KCNH7: variants seen among roughly 807,000 people sequenced by gnomAD.
KCNH7 encodes the protein voltage-gated inwardly rectifying potassium channel KCNH7.
A neutral mutation model predicts 120.8 loss-of-function variants in KCNH7; 49 were observed. The observed-to-expected ratio is 0.41, with a 90% CI of 0.32 to 0.51. KCNH7 has a LOEUF of 0.51. Among genes scored for constraint, KCNH7 ranks in the 20% least tolerant of loss-of-function variants. KCNH7 has a pLI of 0.38. For synonymous variants in KCNH7, 547 were observed against 516.1 expected, an observed-to-expected ratio of 1.06 and a Z score of -0.81; for missense variants, 1,097 against 1,446.6, an observed-to-expected ratio of 0.76 and a Z score of 3.92.
intron 2 of KCNH7, among the ~76,000 whole-genome samples, chr2:162,608,509 T>G (rs1030823716): frequency 6.6e-6 from 1 of 152,202 alleles, no homozygotes; most frequent in Non-Finnish European, 1.5e-5. Context: ...GATCACTTTG[T>G]GGAGTTATCA....
chr2:162,715,977 T>TGTGTGTGC lies in KCNH7; in HGVS notation c.307+120559_307+120560insGCACACAC, dbSNP rs374889170. Among the ~76,000 whole-genome samples, 147 of 151,374 alleles carry TGTGTGTGC rather than the reference T, an allele frequency of 9.7e-4. 1 individual carries two copies. Among genetic ancestry groups the TGTGTGTGC allele is most frequent in the African/African-American group, 3.2e-3 (133 of 41,150 alleles). On this transcript the variant is annotated intron_variant, in intron 2 of 15. Coordinates refer to ENST00000332142, the MANE Select transcript of KCNH7 (RefSeq NM_033272.4). ...GTGTGTGTGTGTGTGTGTGTGTGTG[T>TGTGTGTGC]GCACACCACACTTCGGAAGGTCCTT...
intron 2 of KCNH7, among the ~76,000 whole-genome samples, chr2:162,733,571 G>C (rs1026438157): frequency 6.6e-6 from 1 of 152,200 alleles, no homozygotes; most frequent in African/African-American, 2.4e-5. Flanking sequence ...TGCTGAAACA[G>C]ACTCATGACG....
chr2:162,658,142 C>A (rs117937619), intron 2 of KCNH7, among the ~76,000 whole-genome samples: 1,812 of 151,630 alleles, frequency 0.012, 47 homozygotes, highest in East Asian at 0.11. Context: ...GGGGTGCTTA[C>A]CAGACACCAA....
intron 2 of KCNH7, among the ~76,000 whole-genome samples, chr2:162,551,694 G>A (rs1342263413): frequency 6.6e-6 from 1 of 151,986 alleles, no homozygotes; most frequent in Non-Finnish European, 1.5e-5. Context: ...GCACGTATTG[G>A]ACAAAAATAT....
At chr2:162,583,368 G>T (rs1166337499) in intron 2 of KCNH7, among the ~76,000 whole-genome samples, 1 of 151,958 alleles carries the variant, frequency 6.6e-6, no homozygotes, top group African/African-American at 2.4e-5. Context: ...TACACAGCAG[G>T]ATATCACAGT....
At chr2:162,449,096 T>C (rs941550355) in intron 6 of KCNH7, among the ~76,000 whole-genome samples, 7 of 151,840 alleles carry the variant, frequency 4.6e-5, no homozygotes, top group African/African-American at 1.7e-4. Context: ...TCATGTGTTG[T>C]GTGTTGGGGA....
At chr2:162,536,636 T>G (rs914093236) in intron 3 of KCNH7, among the ~76,000 whole-genome samples, 1 of 152,014 alleles carries the variant, frequency 6.6e-6, no homozygotes, top group African/African-American at 2.4e-5. Context: ...CAGAATTTAC[T>G]CTGGCATTAT....
intron 4 of KCNH7, among the ~76,000 whole-genome samples, chr2:162,517,355 C>G (rs1691340347): frequency 6.6e-6 from 1 of 151,798 alleles, no homozygotes; most frequent in Non-Finnish European, 1.5e-5. Flanking sequence ...TCTGATGGCA[C>G]AAATTCTTTC....
intron 7 of KCNH7, among the ~76,000 whole-genome samples, chr2:162,436,231 C>A (rs977467771): frequency 6.6e-6 from 1 of 152,062 alleles, no homozygotes; most frequent in African/African-American, 2.4e-5. Context: ...ATTTGAGTTG[C>A]AAACCATCTG....
chr2:162,541,285 A>T (rs1692293890), intron 2 of KCNH7, among the ~76,000 whole-genome samples: 1 of 152,110 alleles, frequency 6.6e-6, no homozygotes, highest in African/African-American at 2.4e-5. Context: ...ACAGGGAATC[A>T]ATATAGTTGG....
At chr2:162,495,174 G>T (rs755860499) in intron 6 of KCNH7, among the ~76,000 whole-genome samples, 1 of 152,144 alleles carries the variant, frequency 6.6e-6, no homozygotes, top group Non-Finnish European at 1.5e-5. Flanking sequence ...GGAGAAACTG[G>T]TTGTTTTACC....
At chr2:162,837,264 A>G (rs1477372568) in intron 1 of KCNH7, among the ~76,000 whole-genome samples, 1 of 152,222 alleles carries the variant, frequency 6.6e-6, no homozygotes, top group Non-Finnish European at 1.5e-5. Flanking sequence ...TACACACATC[A>G]TGTTAAAAAC....
intron 6 of KCNH7, among the ~76,000 whole-genome samples, chr2:162,491,504 T>C (rs1357022023): frequency 6.6e-6 from 1 of 152,148 alleles, no homozygotes; most frequent in Non-Finnish European, 1.5e-5. Context: ...CCCCCTCCCA[T>C]TTCATAGATA....
At chr2:162,635,338 A>G (rs1683917024) in intron 2 of KCNH7, among the ~76,000 whole-genome samples, 1 of 152,074 alleles carries the variant, frequency 6.6e-6, no homozygotes. Context: ...TGGGAATAAT[A>G]ATAAATAATT....
chr2:162,450,900 TGA>T (rs1688746079), intron 6 of KCNH7, among the ~76,000 whole-genome samples: 1 of 151,860 alleles, frequency 6.6e-6, no homozygotes, highest in Admixed American at 6.6e-5. Flanking sequence ...TGGCAGAAAT[TGA>T]GAGGAGGGGA....
Position 162,504,562 on chromosome 2 carries a change from G to C in KCNH7, c.1009C>G (p.Leu337Val). ...TCAGTTTTGACCTCTGAAAAATTCAGAGTGAGCTGTGGAATCTTGTTAATG... is the reference window on the plus strand; with the variant it reads ...TCAGTTTTGACCTCTGAAAAATTCACAGTGAGCTGTGGAATCTTGTTAATG... ...STINKIPQLT[L>V]NFSEVKTEKK... The change falls in exon 6 of 16, where the codon CTG becomes GTG. Residue 337 changes from leucine (L) to valine (V), a missense_variant. Leu to Val is a conservative substitution (Grantham distance 32). Around this residue, in one of 8 missense-constraint regions of KCNH7, gnomAD observed 362 missense variants for 372.2 expected, o/e 0.97. Coordinates refer to ENST00000332142, the MANE Select transcript of KCNH7 (RefSeq NM_033272.4). 2 of 1,612,730 alleles carry C rather than the reference G, an allele frequency of 1.2e-6. No individual in the cohort carries two copies. Among genetic ancestry groups the C allele is most frequent in the Non-Finnish European group, 8.5e-7 (1 of 1,179,010 alleles).
chr2:162,475,013 C>T (rs1045326609), intron 6 of KCNH7, among the ~76,000 whole-genome samples: 1 of 152,210 alleles, frequency 6.6e-6, no homozygotes, highest in Non-Finnish European at 1.5e-5. Flanking sequence ...AGTGAGAACA[C>T]CTAGCTAAGC....
At chr2:162,601,974 C>T (rs1238552781) in intron 2 of KCNH7, among the ~76,000 whole-genome samples, 1 of 151,886 alleles carries the variant, frequency 6.6e-6, no homozygotes, top group Non-Finnish European at 1.5e-5. Context: ...AATTTGAATG[C>T]TATAAGTCTC....
intron 6 of KCNH7, among the ~76,000 whole-genome samples, chr2:162,488,227 A>G (rs1266822349): frequency 6.6e-6 from 1 of 152,202 alleles, no homozygotes; most frequent in Non-Finnish European, 1.5e-5. Context: ...AGCCAAGTTA[A>G]ATTTTACCTA....
Sources: allele counts gnomAD v4.1 joint callset (sites outside exome capture counted in the v4.1 genomes callset), GRCh38; gene constraint gnomAD v4.1.1; regional missense constraint gnomAD v4.1.1; transcripts MANE v1.5; gene names NCBI Gene and HGNC (gene_info 2026-07-23, HGNC 2026-07-21).